The following GRP variants were observed in gnomAD, a reference collection of about 807,000 sequenced individuals.
The protein encoded by GRP is gastrin releasing peptide.
A neutral mutation model predicts 12.7 loss-of-function variants in GRP; 11 were observed. The ratio of observed to expected loss-of-function variants is 0.87; its 90% CI spans 0.55 to 1.44. The LOEUF is 1.44. GRP is among the 40% of genes most tolerant of loss of function. The probability of loss-of-function intolerance (pLI) is 0.00; values close to 1 mark genes in which losing one functional copy is unlikely to be tolerated. For synonymous variants in GRP, 84 were observed against 77.7 expected (o/e 1.08, Z -0.43); for missense variants, 212 against 185.4 (o/e 1.14, Z -0.83).
intron 2 of GRP, among the ~76,000 whole-genome samples, chr18:59,228,500 C>T (rs987778661): frequency 2.0e-5 from 3 of 152,162 alleles, no homozygotes; most frequent in African/African-American, 4.8e-5. Flanking sequence ...TCTCTTGGAG[C>T]TGTGGTTAGA....
intron 2 of GRP, among the ~76,000 whole-genome samples, chr18:59,226,920 CTCTT>C (rs1028750764): frequency 6.6e-6 from 1 of 152,034 alleles, no homozygotes; most frequent in African/African-American, 2.4e-5. Flanking sequence ...TCTGGTCTTT[CTCTT>C]TCTTTTTTTT....
At chr18:59,220,111 C>T, upstream of GRP, 1 of 354,706 alleles carries the variant, frequency 2.8e-6, no homozygotes, top group East Asian at 6.6e-5. Context: ...CCCCCCAGCC[C>T]CCCCGCCCGG....
chr18:59,227,056 C>CTTTCTTT (rs2069951414), intron 2 of GRP, among the ~76,000 whole-genome samples: 2 of 31,670 alleles, frequency 6.3e-5, no homozygotes, highest in Non-Finnish European at 1.3e-4. Flanking sequence ...TTTCTTTCTT[C>CTTTCTTT]CTTTCTTTCT....
At position 59,225,432 on chromosome 18, in the gene GRP, C is replaced by T. The variant is rs1471168361; in HGVS notation, c.140-60C>T. Reference sequence around the variant, plus strand: ...AGCTTTAAATTTCTTTTAAATTTCTCATTCATTCCCTTTGGTTAAATTTGT... The same window carrying T: ...AGCTTTAAATTTCTTTTAAATTTCTTATTCATTCCCTTTGGTTAAATTTGT... On this transcript the variant is annotated intron_variant, in intron 1 of 2. Coordinates refer to ENST00000256857, the MANE Select transcript of GRP (RefSeq NM_002091.5). 1.4e-5 allele frequency: 21 copies of T among 1,503,656 alleles called. No homozygotes were observed. In the South Asian group the frequency reaches 1.6e-4, roughly 12 times the overall value. The allele number at this position is 1,503,656 out of a possible 1,614,324, so 93.1% of individuals were successfully genotyped here.
rs768604598 is a variant in GRP, at chr18:59,230,503, C to T, written c.*35C>T. 3.4e-6 allele frequency: 4 copies of T among 1,180,714 alleles called. No homozygotes were observed. The allele number at this position is 1,180,714 out of a possible 1,614,324, so 73.1% of individuals were successfully genotyped here. On this transcript the variant is annotated 3_prime_UTR_variant, in exon 3 of 3. Coordinates refer to ENST00000256857, the MANE Select transcript of GRP (RefSeq NM_002091.5). ...CCTCTCTCAAAAGAGAAAAACAAAA[C>T]CCCTAAGAGACTGCGTTCTGCAAGC...
chr18:59,229,246 T>C lies in GRP; in HGVS notation c.383-1158T>C, dbSNP rs556374780. 2.0e-4 allele frequency among the ~76,000 whole-genome samples: 31 copies of C among 152,286 alleles called. No individual in the cohort carries two copies. The South Asian group carries it at 5.6e-3, about 27-fold the overall frequency. On this transcript the variant is annotated intron_variant, in intron 2 of 2. Transcript: ENST00000256857. The stretch of plus-strand genomic sequence containing the variant: ...TACCCCCAACAATGGACCCTGCCCA[T>C]TGCCTCCCAGTTCCTTGATCTTCCT...
chr18:59,220,480 T>A, intron 1 of GRP, 76 bp downstream of exon 1: 1 of 1,235,676 alleles, frequency 8.1e-7, no homozygotes. Flanking sequence ...TGTCTCCCCA[T>A]TTCTTTGCGT....
At chr18:59,226,973 C>T (rs78647577) in intron 2 of GRP, among the ~76,000 whole-genome samples, 3,131 of 150,698 alleles carry the variant, frequency 0.021, 82 homozygotes, top group African/African-American at 0.059. Context: ...CAAGTTCTGG[C>T]TATGTGGTTT....
chr18:59,228,489 C>A (rs1421653619), intron 2 of GRP, among the ~76,000 whole-genome samples: 4 of 152,200 alleles, frequency 2.6e-5, no homozygotes, highest in South Asian at 2.1e-4. Context: ...CTGTTGCCAA[C>A]TCTCTTGGAG....
At chr18:59,221,612 T>C (rs1210263544) in intron 1 of GRP, among the ~76,000 whole-genome samples, 4 of 152,062 alleles carry the variant, frequency 2.6e-5, no homozygotes, top group Non-Finnish European at 5.9e-5. Context: ...TGTGTGTGTG[T>C]GTGTATTTCC....
intron 2 of GRP, among the ~76,000 whole-genome samples, chr18:59,227,092 T>C (rs1334462274): frequency 2.0e-5 from 3 of 146,816 alleles, no homozygotes; most frequent in Non-Finnish European, 3.0e-5. Flanking sequence ...TCTTGCTCTC[T>C]CTCTCTCTTT....
intron 2 of GRP, among the ~76,000 whole-genome samples, chr18:59,227,044 T>TC (rs2069949446): frequency 2.6e-5 from 3 of 114,438 alleles, no homozygotes; most frequent in Non-Finnish European, 5.9e-5. Context: ...TTTCTTTCTT[T>TC]CTTTCTTTCT....
At chr18:59,227,036 T>TCTTTCTTTCTTC (rs2069947676) in intron 2 of GRP, among the ~76,000 whole-genome samples, 1 of 140,844 alleles carries the variant, frequency 7.1e-6, no homozygotes, top group African/African-American at 2.8e-5. Flanking sequence ...TTTCTTTCTT[T>TCTTTCTTTCTTC]CTTTCTTTCT....
At chr18:59,222,208 T>C (rs750375944) in intron 1 of GRP, among the ~76,000 whole-genome samples, 14 of 152,122 alleles carry the variant, frequency 9.2e-5, no homozygotes, top group East Asian at 1.9e-4. Context: ...AGGAGGACAA[T>C]AGAGTTAACT....
intron 2 of GRP, among the ~76,000 whole-genome samples, chr18:59,226,990 TTC>T (rs1478362510): frequency 7.5e-6 from 1 of 133,734 alleles, no homozygotes; most frequent in African/African-American, 3.1e-5. Context: ...GTTTCTTTTC[TTC>T]CTTTCTTTCT....
chr18:59,221,295 G>T (rs948048359), intron 1 of GRP, among the ~76,000 whole-genome samples: 1 of 152,210 alleles, frequency 6.6e-6, no homozygotes, highest in African/African-American at 2.4e-5. Context: ...GCCGCGCTGC[G>T]GGTGCGGAGG....
At position 59,221,122 on chromosome 18, in the gene GRP, C is replaced by T. The variant is rs1015876309; in HGVS notation, c.139+718C>T. On this transcript the variant is annotated intron_variant, in intron 1 of 2. Transcript: ENST00000256857. ...GCCTGCTCTCCAAGCTCATCCCGAT[C>T]TCTCTGCCCCTCTGAGCTCCGCTCT... Among the ~76,000 whole-genome samples the T allele has an allele frequency of 1.9e-4, 29 of 152,280 alleles. 1 individual carries two copies. The highest frequency in any genetic ancestry group is 8.8e-5 in the Non-Finnish European group (6 of 68,058).
intron 1 of GRP, among the ~76,000 whole-genome samples, chr18:59,224,485 T>C (rs2069884078): frequency 6.6e-6 from 1 of 152,216 alleles, no homozygotes; most frequent in African/African-American, 2.4e-5. Context: ...ACCTTTTTCC[T>C]TGCACACTTT....
chr18:59,219,510 A>G (rs2144091389), upstream of GRP, among the ~76,000 whole-genome samples: 2 of 32,468 alleles, frequency 6.2e-5, no homozygotes, highest in Non-Finnish European at 1.1e-4. Context: ...AGAGGAGGGG[A>G]AGGGAGGGGA....
Sources: allele counts gnomAD v4.1 joint callset (sites outside exome capture counted in the v4.1 genomes callset), GRCh38; gene constraint gnomAD v4.1.1; transcripts MANE v1.5; gene names NCBI Gene and HGNC (gene_info 2026-07-23, HGNC 2026-07-21).